The following POR variants were observed in gnomAD, a reference collection of about 807,000 sequenced individuals.
The protein encoded by POR is NADPH--cytochrome P450 reductase.
Under a neutral mutation model 84.0 loss-of-function variants are expected in POR, and 56 were observed. That is an observed-to-expected ratio of 0.67 (90% CI 0.54 to 0.83). The LOEUF (loss-of-function observed/expected upper bound fraction) is 0.83. POR is among the 40% of genes least tolerant of loss of function. POR has a pLI of 0.00. For synonymous variants in POR, 414 were observed against 400.5 expected (o/e 1.03, Z -0.40); for missense variants, 938 against 944.3 (o/e 0.99, Z 0.09).
chr7:75,923,461 C>A, intron 1 of POR: 1 of 535,190 alleles, frequency 1.9e-6, no homozygotes, highest in Non-Finnish European at 3.4e-6. Flanking sequence ...AGGTGCCAAA[C>A]TACAGTAAAT....
rs782247991 is a variant in POR at position 75,980,440 on chromosome 7, C to T, written c.468C>T (p.Tyr156=). The stretch of plus-strand genomic sequence containing the variant: ...CCACCGACAATGCCCAGGACTTCTA[C>T]GACTGGCTGCAGGAGACAGACGTGG... Residue 156 remains tyrosine (Y), a synonymous_variant, in exon 5 of 16, where the codon TAC becomes TAT. Coordinates refer to ENST00000461988, the MANE Select transcript of POR (RefSeq NM_000941.3). 14 of 1,613,282 alleles carry T rather than the reference C, an allele frequency of 8.7e-6. No individual in the cohort carries two copies. The East Asian group carries it at 1.8e-4, about 21-fold the overall frequency.
intron 1 of POR, among the ~76,000 whole-genome samples, chr7:75,953,167 G>A (rs1037761726): frequency 2.6e-5 from 4 of 152,074 alleles, no homozygotes; most frequent in Admixed American, 2.0e-4. Context: ...AAAAATACGA[G>A]AACCAGTCAG....
chr7:75,983,446 C>A (rs1318214581), intron 8 of POR, 74 bp from the exon 9 acceptor site: 1 of 1,070,492 alleles, frequency 9.3e-7, no homozygotes, highest in South Asian at 1.3e-5. Flanking sequence ...TTTGTGCAAC[C>A]AGAAGCGTCC....
intron 3 of POR, 57 bp from the exon 4 acceptor site, chr7:75,979,394 A>G: frequency 1.9e-6 from 3 of 1,588,896 alleles, no homozygotes; most frequent in Non-Finnish European, 2.6e-6. Flanking sequence ...GTGGGTGTTC[A>G]CCGGAGCCGT....
At chr7:75,943,496 G>T (rs1787039270) in intron 1 of POR, among the ~76,000 whole-genome samples, 1 of 152,104 alleles carries the variant, frequency 6.6e-6, no homozygotes, top group Non-Finnish European at 1.5e-5. Context: ...ACATTCCCTT[G>T]TTCGATCACA....
Position 75,985,882 on chromosome 7 carries a change from C to T in POR, c.1669+33C>T, listed in dbSNP as rs2302433. On this transcript the variant is annotated intron_variant, in intron 13 of 15. Coordinates refer to ENST00000461988, the MANE Select transcript of POR (RefSeq NM_000941.3). ...GGGTCCCATGGGGGAGAGGGGGTGA[C>T]GACTGGGAGCCCCGCGCTCACCCCG... The T allele has an allele frequency of 5.0e-3, 7,797 of 1,552,780 alleles. 178 individuals carry two copies. The East Asian group carries it at 0.08, about 16-fold the overall frequency.
intron 2 of POR, among the ~76,000 whole-genome samples, chr7:75,966,629 C>G (rs973106814): frequency 1.3e-5 from 2 of 152,206 alleles, no homozygotes; most frequent in Admixed American, 6.5e-5. Context: ...GGGCAGGGGA[C>G]AGTCTCAGGA....
rs1333849917 is a variant in POR at position 75,980,768 on chromosome 7, G to C, written c.516+280G>C. The C allele has an allele frequency of 2.1e-6, 3 of 1,427,734 alleles. No homozygotes were observed. In the African/African-American group the frequency reaches 4.2e-5, roughly 20 times the overall value. The allele number at this position is 1,427,734 out of a possible 1,614,324, so 88.4% of individuals were successfully genotyped here. ...CGACTGAGACCTGCCTGGCCTCGGA[G>C]AGCTGGAGCCCCAGCCCGGTGGGGA... On this transcript the variant is annotated intron_variant, in intron 5 of 15. Transcript: ENST00000461988.
chr7:75,934,572 C>T (rs2116298494), intron 1 of POR, among the ~76,000 whole-genome samples: 1 of 148,918 alleles, frequency 6.7e-6, no homozygotes, highest in Non-Finnish European at 1.5e-5. Flanking sequence ...ATAGCCAAGA[C>T]TGTGGGGAAA....
intron 1 of POR, among the ~76,000 whole-genome samples, chr7:75,941,803 C>T (rs1247960572): frequency 3.3e-5 from 5 of 152,068 alleles, no homozygotes; most frequent in African/African-American, 9.7e-5. Flanking sequence ...CTTAGCCAGA[C>T]CCTGTCTCTA....
rs1006208814 is a variant in POR at position 75,972,302 on chromosome 7, T to C, written c.189-111T>C. 3.1e-6 allele frequency: 3 copies of C among 962,868 alleles called. No individual in the cohort carries two copies. The Admixed American group carries it at 6.0e-5, about 19-fold the overall frequency. 59.6% of individuals were successfully genotyped at this position (962,868 alleles called of 1,614,324 possible). A position where few individuals can be genotyped will look rare whatever the true frequency, so the allele number is the denominator to read the frequency against. On this transcript the variant is annotated intron_variant, in intron 2 of 15. Coordinates refer to ENST00000461988, the MANE Select transcript of POR (RefSeq NM_000941.3). ...GGACAAAGCTGGAATGTCCCCTCCCTGTGCTGCCACAGCATCCCATGAAAC... is the reference window on the plus strand; with the variant it reads ...GGACAAAGCTGGAATGTCCCCTCCCCGTGCTGCCACAGCATCCCATGAAAC...
intron 1 of POR, among the ~76,000 whole-genome samples, chr7:75,931,644 C>T (rs1807426763): frequency 6.6e-6 from 1 of 152,100 alleles, no homozygotes; most frequent in Non-Finnish European, 1.5e-5. Context: ...GCTGGGATTA[C>T]AGGTGTGAGC....
chr7:75,964,248 C>T (rs987739495), intron 2 of POR, among the ~76,000 whole-genome samples: 16 of 152,082 alleles, frequency 1.1e-4, no homozygotes, highest in African/African-American at 3.6e-4. Flanking sequence ...GATCCACCCA[C>T]CTCAGCCTCC....
At chr7:75,980,236 TG>T in intron 4 of POR, 102 bp from the exon 5 acceptor site, 1 of 1,391,330 alleles carries the variant, frequency 7.2e-7, no homozygotes, top group Non-Finnish European at 9.8e-7. Context: ...ATCCCTGGCC[TG>T]GTGCCACCCT....
chr7:75,945,914 C>A (rs999327416), intron 1 of POR, among the ~76,000 whole-genome samples: 5 of 152,128 alleles, frequency 3.3e-5, no homozygotes, highest in African/African-American at 4.8e-5. Flanking sequence ...ATAACCTGTT[C>A]CAGTGTTGCA....
intron 2 of POR, among the ~76,000 whole-genome samples, chr7:75,958,726 T>C (rs1787794472): frequency 6.6e-6 from 1 of 152,098 alleles, no homozygotes; most frequent in South Asian, 2.1e-4. Flanking sequence ...ACGCCTGTAA[T>C]CCCAGTGCTT....
chr7:75,957,402 AT>A, intron 2 of POR, among the ~76,000 whole-genome samples: 1 of 152,282 alleles, frequency 6.6e-6, no homozygotes, highest in Non-Finnish European at 1.5e-5. Context: ...AGTACTTTTG[AT>A]AAAAAAGCGT....
intron 2 of POR, chr7:75,968,226 G>A (rs782318506): frequency 1.5e-5 from 7 of 466,636 alleles, no homozygotes; most frequent in Non-Finnish European, 2.6e-5. Context: ...CTTCCTCCTG[G>A]CGGGGACCTG....
chr7:75,961,333 G>C (rs1787932278), intron 2 of POR, among the ~76,000 whole-genome samples: 1 of 149,574 alleles, frequency 6.7e-6, no homozygotes, highest in African/African-American at 2.5e-5. Flanking sequence ...ATGCCCACCA[G>C]CTGTGGAGCA....
Sources: allele counts gnomAD v4.1 joint callset (sites outside exome capture counted in the v4.1 genomes callset), GRCh38; gene constraint gnomAD v4.1.1; transcripts MANE v1.5; gene names NCBI Gene and HGNC (gene_info 2026-07-23, HGNC 2026-07-21).